Variants in RAD23B observed in about 807,000 individuals in gnomAD.
RAD23B encodes lysine-specific demethylase RAD23B.
A neutral mutation model predicts 49.1 loss-of-function variants in RAD23B; 5 were observed. The observed-to-expected ratio is 0.10, with a 90% CI of 0.05 to 0.21. The LOEUF (loss-of-function observed/expected upper bound fraction) is 0.21, where lower values mean the gene tolerates loss of function less well. Ranked by LOEUF, RAD23B falls within the 10% of genes least tolerant of loss-of-function variation. The pLI, the probability that RAD23B is intolerant of heterozygous loss-of-function variation, is 1.00. For missense variants in RAD23B, 356 were observed against 486.7 expected, an observed-to-expected ratio of 0.73 and a Z score of 2.53; for synonymous variants, 184 against 165.4, an observed-to-expected ratio of 1.11 and a Z score of -0.86.
intron 7 of RAD23B, among the ~76,000 whole-genome samples, chr9:107,323,288 G>A (rs1281436722): frequency 2.0e-5 from 3 of 152,068 alleles, no homozygotes; most frequent in Non-Finnish European, 4.4e-5. Flanking sequence ...TTATTTATCC[G>A]AGTTTTTGTA....
intron 3 of RAD23B, among the ~76,000 whole-genome samples, chr9:107,304,850 A>G (rs1358640263): frequency 6.6e-6 from 1 of 152,196 alleles, no homozygotes; most frequent in Non-Finnish European, 1.5e-5. Context: ...AGAAATCTGC[A>G]TATACCTTTT....
chr9:107,320,740 T>A (rs982189618), intron 6 of RAD23B, among the ~76,000 whole-genome samples: 7 of 152,224 alleles, frequency 4.6e-5, no homozygotes, highest in Admixed American at 3.9e-4. Context: ...GAGAATTTGA[T>A]GGACGCCCTG....
chr9:107,309,578 T>C (rs1390237984), intron 4 of RAD23B, among the ~76,000 whole-genome samples: 1 of 152,172 alleles, frequency 6.6e-6, no homozygotes, highest in Non-Finnish European at 1.5e-5. Flanking sequence ...GATTAAAGAA[T>C]AATGGTTAAA....
intron 1 of RAD23B, among the ~76,000 whole-genome samples, chr9:107,297,295 A>G (rs1826547456): frequency 6.6e-6 from 1 of 151,710 alleles, no homozygotes; most frequent in Non-Finnish European, 1.5e-5. Flanking sequence ...TCATATAGGT[A>G]TCTTGTGTTG....
intron 3 of RAD23B, among the ~76,000 whole-genome samples, chr9:107,302,501 T>C (rs903187296): frequency 6.6e-6 from 1 of 152,110 alleles, no homozygotes; most frequent in African/African-American, 2.4e-5. Flanking sequence ...TACGTACTAG[T>C]CCTAACAGAT....
chr9:107,309,046 CTG>C (rs1469742569), intron 4 of RAD23B, among the ~76,000 whole-genome samples: 1 of 152,216 alleles, frequency 6.6e-6, no homozygotes, highest in African/African-American at 2.4e-5. Context: ...GTGCACATGA[CTG>C]TATTGTTTGT....
intron 1 of RAD23B, among the ~76,000 whole-genome samples, chr9:107,294,426 ACT>A (rs1833447397): frequency 6.6e-6 from 1 of 152,158 alleles, no homozygotes; most frequent in East Asian, 1.9e-4. Flanking sequence ...GTTTATATTC[ACT>A]CTGTTGAGAT....
At chr9:107,306,265 T>TCTATA in intron 3 of RAD23B, 114 bp from the exon 4 acceptor site, 1 of 954,898 alleles carries the variant, frequency 1.0e-6, no homozygotes. Flanking sequence ...TATTTTCAAG[T>TCTATA]TATAGGTTGT....
At chr9:107,295,219 T>C (rs1826481161) in intron 1 of RAD23B, among the ~76,000 whole-genome samples, 1 of 152,022 alleles carries the variant, frequency 6.6e-6, no homozygotes, top group African/African-American at 2.4e-5. Flanking sequence ...GGTGTGTATT[T>C]AAGTTTTTGA....
At chr9:107,321,926 G>T in intron 6 of RAD23B, 57 bp from the exon 7 acceptor site, 3 of 1,494,176 alleles carry the variant, frequency 2.0e-6, no homozygotes, top group Non-Finnish European at 2.7e-6. Flanking sequence ...CTTTTACTCT[G>T]TATAATATTT....
chr9:107,314,217 A>G (rs1020544231), intron 5 of RAD23B, among the ~76,000 whole-genome samples: 2 of 152,200 alleles, frequency 1.3e-5, no homozygotes, highest in Admixed American at 1.3e-4. Context: ...TAAAATTTGT[A>G]TATAGGGAGT....
intron 1 of RAD23B, among the ~76,000 whole-genome samples, chr9:107,285,808 A>T (rs1833264635): frequency 6.6e-6 from 1 of 152,244 alleles, no homozygotes; most frequent in African/African-American, 2.4e-5. Context: ...TCTGGGATAT[A>T]TGGAACGTTT....
chr9:107,311,214 GTCC>G (rs1458406602), intron 4 of RAD23B, among the ~76,000 whole-genome samples: 2 of 151,992 alleles, frequency 1.3e-5, no homozygotes, highest in Non-Finnish European at 2.9e-5. Context: ...TTCTTTCAGT[GTCC>G]TCATTCAGAA....
intron 1 of RAD23B, chr9:107,284,989 T>C: frequency 3.1e-6 from 4 of 1,279,358 alleles, no homozygotes; most frequent in Non-Finnish European, 3.1e-6. Context: ...AGATACAGTG[T>C]TACGTTTTAC....
chr9:107,296,456 A>G (rs1826521386), intron 1 of RAD23B, among the ~76,000 whole-genome samples: 1 of 152,212 alleles, frequency 6.6e-6, no homozygotes, highest in Non-Finnish European at 1.5e-5. Flanking sequence ...TTGGTTACTA[A>G]TGAGGTTGAG....
intron 1 of RAD23B, among the ~76,000 whole-genome samples, chr9:107,288,226 C>T (rs756221590): frequency 2.0e-5 from 3 of 152,092 alleles, no homozygotes; most frequent in Non-Finnish European, 4.4e-5. Context: ...AAGCAGTGAT[C>T]CCCCAACGTA....
At chr9:107,326,328 AAAATT>A (rs1435823560) in intron 9 of RAD23B, among the ~76,000 whole-genome samples, 1 of 151,300 alleles carries the variant, frequency 6.6e-6, no homozygotes, top group Non-Finnish European at 1.5e-5. Context: ...AAATACAAAA[AAAATT>A]AGCCAGGCGT....
chr9:107,285,689 G>A (rs945631381), intron 1 of RAD23B, among the ~76,000 whole-genome samples: 3 of 152,204 alleles, frequency 2.0e-5, no homozygotes, highest in African/African-American at 7.2e-5. Context: ...CCCATTGTTA[G>A]GGAGCGGTTT....
chr9:107,331,184 C>G lies in RAD23B; in HGVS notation c.*1528C>G, dbSNP rs1827299533. On this transcript the variant is annotated 3_prime_UTR_variant, in exon 10 of 10. Coordinates refer to ENST00000358015, the MANE Select transcript of RAD23B (RefSeq NM_002874.5). ...GATGATGACTTTTAAGCATTTACAT[C>G]ACGTACTCATAACCTATTATGAAAA... is the stretch of plus-strand genomic sequence containing the variant. 2 of 153,140 alleles carry G rather than the reference C, an allele frequency of 1.3e-5. No individual in the cohort carries two copies. Among genetic ancestry groups the G allele is most frequent in the Admixed American group, 1.3e-4 (2 of 15,358 alleles). 9.5% of individuals were successfully genotyped at this position (153,140 alleles called of 1,614,324 possible).
Sources: allele counts gnomAD v4.1 joint callset (sites outside exome capture counted in the v4.1 genomes callset), GRCh38; gene constraint gnomAD v4.1.1; transcripts MANE v1.5; gene names NCBI Gene and HGNC (gene_info 2026-07-23, HGNC 2026-07-21).